Variants in SPIN1 observed in about 807,000 individuals in gnomAD.
The protein encoded by SPIN1 is spindlin-1.
In SPIN1, 3 loss-of-function variants were observed where a neutral mutation model predicts 26.0. The ratio of observed to expected loss-of-function variants is 0.12; its 90% CI spans 0.05 to 0.30. SPIN1 has a LOEUF of 0.30. Ranked by LOEUF, SPIN1 falls within the 10% of genes least tolerant of loss-of-function variation. The pLI is 1.00. For missense variants in SPIN1, 126 were observed against 333.4 expected, an observed-to-expected ratio of 0.38 and a Z score of 4.84; for synonymous variants, 101 against 116.5, an observed-to-expected ratio of 0.87 and a Z score of 0.86.
At chr9:88,450,458 AT>A (rs200116969) in intron 3 of SPIN1, among the ~76,000 whole-genome samples, 2,550 of 152,310 alleles carry the variant, frequency 0.017, 70 homozygotes, top group African/African-American at 0.059. Context: ...GATTTCAGAT[AT>A]TAATAGGTTT....
Position 88,475,418 on chromosome 9 carries a change from T to G in SPIN1, c.*141T>G. On this transcript the variant is annotated 3_prime_UTR_variant, in exon 6 of 6. Transcript: ENST00000375859. ...TCTCTGCCAGCAGAACTGGTTTTGT[T>G]CTGAATAGTACAGATTGATGTGAAC... 1.2e-6 allele frequency: 1 copy of G among 806,604 alleles called. No homozygotes were observed. The highest frequency in any genetic ancestry group is 2.0e-6 in the Non-Finnish European group (1 of 511,920). The allele number at this position is 806,604 out of a possible 1,614,324, so 50.0% of individuals were successfully genotyped here. A position where few individuals can be genotyped will look rare whatever the true frequency, so the allele number is the denominator to read the frequency against.
At chr9:88,413,307 C>CTTGGCCTCCTAAAGTG (rs548001457) in intron 1 of SPIN1, among the ~76,000 whole-genome samples, 2 of 151,896 alleles carry the variant, frequency 1.3e-5, no homozygotes, top group South Asian at 4.2e-4. Flanking sequence ...ATCTGCCTGC[C>CTTGGCCTCCTAAAGTG]TTGGCCTCCT....
At chr9:88,442,634 C>T (rs1392363053) in intron 2 of SPIN1, among the ~76,000 whole-genome samples, 2 of 152,042 alleles carry the variant, frequency 1.3e-5, no homozygotes, top group Admixed American at 1.3e-4. Flanking sequence ...ATCCACCCAC[C>T]TCGGCCTCCC....
At position 88,402,859 on chromosome 9, in the gene SPIN1, A is replaced by G. The variant is rs147042325; in HGVS notation, c.-159+14321A>G. 1.4e-3 allele frequency among the ~76,000 whole-genome samples: 214 copies of G among 152,270 alleles called. 2 individuals are homozygous for G. The highest frequency in any genetic ancestry group is 4.9e-3 in the African/African-American group (203 of 41,564). On this transcript the variant is annotated intron_variant, in intron 1 of 5. Transcript: ENST00000375859. ...GATTGCTGAAGTATGTAGTAGTTCT[A>G]TTTTTAGTGTTTTGAGAAATCTCCG...
intron 3 of SPIN1, among the ~76,000 whole-genome samples, chr9:88,455,841 G>A (rs904366931): frequency 1.4e-4 from 21 of 152,140 alleles, no homozygotes; most frequent in Non-Finnish European, 3.1e-4. Flanking sequence ...GCTAGGCATG[G>A]TGGCAGGCAC....
intron 1 of SPIN1, among the ~76,000 whole-genome samples, chr9:88,407,135 TAAAAAAAAAAAA>T (rs397893590): frequency 8.1e-6 from 1 of 122,754 alleles, no homozygotes; most frequent in African/African-American, 3.2e-5. Context: ...GATCTTCCTT[TAAAAAAAAAAAA>T]AAAAAAAAAA....
chr9:88,414,407 G>C (rs1380752850), intron 1 of SPIN1, among the ~76,000 whole-genome samples: 5 of 152,168 alleles, frequency 3.3e-5, no homozygotes. Flanking sequence ...GAGATGCCCT[G>C]TCCCTCTCAG....
At chr9:88,390,010 A>G (rs1826884270) in intron 1 of SPIN1, among the ~76,000 whole-genome samples, 1 of 152,192 alleles carries the variant, frequency 6.6e-6, no homozygotes, top group African/African-American at 2.4e-5. Flanking sequence ...CAGATTTGAT[A>G]ATTATATATT....
intron 2 of SPIN1, among the ~76,000 whole-genome samples, chr9:88,434,579 ACTTTT>A (rs112950720): frequency 6.6e-6 from 1 of 152,032 alleles, no homozygotes; most frequent in African/African-American, 2.4e-5. Context: ...GTACCCATTA[ACTTTT>A]CTTTTTCTGC....
At chr9:88,404,177 A>G (rs1435407716) in intron 1 of SPIN1, among the ~76,000 whole-genome samples, 1 of 152,246 alleles carries the variant, frequency 6.6e-6, no homozygotes, top group African/African-American at 2.4e-5. Flanking sequence ...GGCACTTACC[A>G]TGAATGGAGC....
At chr9:88,470,600 C>G (rs1334808990) in intron 5 of SPIN1, among the ~76,000 whole-genome samples, 3 of 129,930 alleles carry the variant, frequency 2.3e-5, no homozygotes, top group African/African-American at 9.1e-5. Flanking sequence ...TGGCCCCCCC[C>G]CTTTTTTTTT....
At chr9:88,415,129 C>T (rs1397454820) in intron 1 of SPIN1, among the ~76,000 whole-genome samples, 1 of 152,076 alleles carries the variant, frequency 6.6e-6, no homozygotes, top group South Asian at 2.1e-4. Context: ...TGGTCTCAAT[C>T]TCCTGACCTT....
chr9:88,405,232 T>C (rs1016672392), intron 1 of SPIN1, among the ~76,000 whole-genome samples: 3 of 152,152 alleles, frequency 2.0e-5, no homozygotes, highest in Non-Finnish European at 4.4e-5. Flanking sequence ...CTATACTTTT[T>C]TTTGTTTGTT....
At chr9:88,397,790 TTTTTTG>T (rs1827098377) in intron 1 of SPIN1, among the ~76,000 whole-genome samples, 1 of 147,606 alleles carries the variant, frequency 6.8e-6, no homozygotes, top group Non-Finnish European at 1.5e-5. Flanking sequence ...CCTGGCTAAT[TTTTTTG>T]TATTTTTAGT....
rs371864401 is a variant in SPIN1 at position 88,470,862 on chromosome 9, G to A, written c.589+2257G>A. On this transcript the variant is annotated intron_variant, in intron 5 of 5. Transcript: ENST00000375859. ...ACCTGCCTTGGCCTCCCAAAGGGCC[G>A]GGATTACAGACATGAGCCACCATGC... 1.5e-3 allele frequency among the ~76,000 whole-genome samples: 221 copies of A among 152,306 alleles called. 2 individuals are homozygous for A. The highest frequency in any genetic ancestry group is 5.0e-3 in the African/African-American group (208 of 41,570).
chr9:88,454,625 G>A (rs1441081074), intron 3 of SPIN1, among the ~76,000 whole-genome samples: 2 of 152,134 alleles, frequency 1.3e-5, no homozygotes, highest in Admixed American at 6.6e-5. Context: ...ATAGAGTAGT[G>A]TATCATAAAT....
intron 1 of SPIN1, among the ~76,000 whole-genome samples, chr9:88,413,705 G>T (rs1440455662): frequency 6.6e-6 from 1 of 152,104 alleles, no homozygotes; most frequent in African/African-American, 2.4e-5. Flanking sequence ...CAAAATTAAG[G>T]TTTTGATGTT....
At chr9:88,446,099 A>C (rs2118119998) in intron 2 of SPIN1, among the ~76,000 whole-genome samples, 1 of 152,150 alleles carries the variant, frequency 6.6e-6, no homozygotes, top group South Asian at 2.1e-4. Context: ...ATTAAGTATA[A>C]TTATGGATGT....
At chr9:88,413,157 C>T (rs1162631605) in intron 1 of SPIN1, among the ~76,000 whole-genome samples, 1 of 150,442 alleles carries the variant, frequency 6.6e-6, no homozygotes, top group African/African-American at 2.5e-5. Flanking sequence ...GCCTCTGCCT[C>T]CCAGGTTCGA....
Sources: gnomAD v4.1 joint callset for allele counts (sites outside exome capture counted in the v4.1 genomes callset) on GRCh38, gnomAD v4.1.1 for gene constraint, MANE v1.5 for transcripts, NCBI Gene and HGNC (gene_info 2026-07-23, HGNC 2026-07-21) for gene names.